RTN1: variants seen among roughly 807,000 people sequenced by gnomAD.
RTN1 encodes the protein reticulon-1.
Under a neutral mutation model 65.5 loss-of-function variants are expected in RTN1, and 25 were observed. That is an observed-to-expected ratio of 0.38 (90% confidence interval 0.28 to 0.53). The LOEUF (loss-of-function observed/expected upper bound fraction) is 0.53, where lower values mean the gene tolerates loss of function less well. RTN1 is among the 20% of genes least tolerant of loss of function. The probability of loss-of-function intolerance (pLI) is 0.79; values close to 1 mark genes in which losing one functional copy is unlikely to be tolerated. For synonymous variants in RTN1, 471 were observed against 447.6 expected, an observed-to-expected ratio of 1.05 and a Z score of -0.66; for missense variants, 983 against 1,025.4, an observed-to-expected ratio of 0.96 and a Z score of 0.57.
At chr14:59,644,424 T>C (rs550837164) in intron 3 of RTN1, among the ~76,000 whole-genome samples, 3 of 152,236 alleles carry the variant, frequency 2.0e-5, no homozygotes, top group South Asian at 2.1e-4. Flanking sequence ...GATCACCTCA[T>C]TGAACCCACT....
At chr14:59,644,587 T>C (rs1882850263) in intron 3 of RTN1, among the ~76,000 whole-genome samples, 1 of 152,102 alleles carries the variant, frequency 6.6e-6, no homozygotes, top group Non-Finnish European at 1.5e-5. Flanking sequence ...CCCCCATACA[T>C]ACCCCGAGGA....
chr14:59,625,239 A>G (rs1882362865), intron 3 of RTN1, among the ~76,000 whole-genome samples: 1 of 152,362 alleles, frequency 6.6e-6, no homozygotes, highest in Admixed American at 6.5e-5. Context: ...TTTTAATGAA[A>G]CAAGTATTCA....
intron 3 of RTN1, among the ~76,000 whole-genome samples, chr14:59,627,275 A>C (rs1882424165): frequency 6.6e-6 from 1 of 152,362 alleles, no homozygotes; most frequent in East Asian, 1.9e-4. Flanking sequence ...AAAGCCATCA[A>C]CCTCAGCGGC....
chr14:59,744,886 T>C (rs1333171326), intron 2 of RTN1, among the ~76,000 whole-genome samples: 1 of 152,142 alleles, frequency 6.6e-6, no homozygotes, highest in Non-Finnish European at 1.5e-5. Flanking sequence ...GTGCTATAGT[T>C]TGAATGTCCC....
intron 1 of RTN1, among the ~76,000 whole-genome samples, chr14:59,842,830 T>A (rs930451815): frequency 6.6e-6 from 1 of 152,064 alleles, no homozygotes; most frequent in Non-Finnish European, 1.5e-5. Context: ...GAAATTAGAG[T>A]CTGATCAGTT....
chr14:59,846,563 A>T lies in RTN1; in HGVS notation c.241+23827T>A, dbSNP rs1887414774. 6.6e-6 allele frequency among the ~76,000 whole-genome samples: 1 copy of T among 152,200 alleles called. No individual in the cohort carries two copies. The highest frequency in any genetic ancestry group is 1.5e-5 in the Non-Finnish European group (1 of 68,036). ...GTTACCAAGTAAGCATAATGGAAAA[A>T]GAAGAGTAAGTGTGTATCCCAAGGG... On this transcript the variant is annotated intron_variant, in intron 1 of 8. Coordinates refer to ENST00000267484, the MANE Select transcript of RTN1 (RefSeq NM_021136.3). This position sits in a 1 kb window ranked among gnomAD's most constrained non-coding sequence, Gnocchi z 4.8.
At chr14:59,793,893 GC>G (rs1886395862) in intron 1 of RTN1, among the ~76,000 whole-genome samples, 1 of 151,894 alleles carries the variant, frequency 6.6e-6, no homozygotes, top group Non-Finnish European at 1.5e-5. Flanking sequence ...TAAGCACATT[GC>G]CCCCATGCCA....
intron 1 of RTN1, among the ~76,000 whole-genome samples, chr14:59,817,730 G>C (rs1886848596): frequency 6.6e-6 from 1 of 151,914 alleles, no homozygotes; most frequent in African/African-American, 2.4e-5. Flanking sequence ...CTAGTGTCCT[G>C]CCATGCATAA....
At chr14:59,671,664 C>A (rs1002691416) in intron 3 of RTN1, among the ~76,000 whole-genome samples, 1 of 152,196 alleles carries the variant, frequency 6.6e-6, no homozygotes, top group Non-Finnish European at 1.5e-5. Context: ...CACCAGGACA[C>A]TTTACCACCT....
chr14:59,626,700 C>T (rs1018868298), intron 3 of RTN1, among the ~76,000 whole-genome samples: 12 of 152,132 alleles, frequency 7.9e-5, no homozygotes, highest in Admixed American at 5.9e-4. Flanking sequence ...TGCTGCCCCT[C>T]TCATTCTTAA....
chr14:59,671,973 A>G (rs1303068321), intron 3 of RTN1, among the ~76,000 whole-genome samples: 2 of 152,208 alleles, frequency 1.3e-5, no homozygotes, highest in Non-Finnish European at 2.9e-5. Flanking sequence ...TCTTTCCTGA[A>G]ATGGACACTA....
chr14:59,667,927 C>G (rs1374614896), intron 3 of RTN1, among the ~76,000 whole-genome samples: 1 of 152,168 alleles, frequency 6.6e-6, no homozygotes. Context: ...AGGAGAACTA[C>G]AAACCACTGC....
intron 1 of RTN1, among the ~76,000 whole-genome samples, chr14:59,834,629 GC>G (rs1376427185): frequency 6.6e-6 from 1 of 152,038 alleles, no homozygotes; most frequent in Non-Finnish European, 1.5e-5. Context: ...AAAGCAAGTG[GC>G]ATAGAAAAAT....
chr14:59,675,159 G>A, intron 3 of RTN1, among the ~76,000 whole-genome samples: 1 of 152,100 alleles, frequency 6.6e-6, no homozygotes, highest in Non-Finnish European at 1.5e-5. Context: ...AGGAGTGGTG[G>A]CTAACCAAGA....
chr14:59,610,475 T>G (rs1457903265), intron 3 of RTN1, among the ~76,000 whole-genome samples: 2 of 152,178 alleles, frequency 1.3e-5, no homozygotes, highest in Admixed American at 6.5e-5. Flanking sequence ...CAGAATAAAC[T>G]CCATTATATA....
intron 1 of RTN1, among the ~76,000 whole-genome samples, chr14:59,768,389 T>C (rs1885889556): frequency 6.6e-6 from 1 of 152,242 alleles, no homozygotes; most frequent in African/African-American, 2.4e-5. Context: ...AAGGATGTGG[T>C]AATGATCCAG....
intron 1 of RTN1, among the ~76,000 whole-genome samples, chr14:59,783,063 T>C (rs974592121): frequency 5.3e-5 from 8 of 152,310 alleles, no homozygotes; most frequent in South Asian, 2.1e-4. Context: ...TCAATCAATC[T>C]GATTTTACAG....
intron 1 of RTN1, among the ~76,000 whole-genome samples, chr14:59,783,686 A>G (rs1886197650): frequency 6.6e-6 from 1 of 152,188 alleles, no homozygotes; most frequent in South Asian, 2.1e-4. Context: ...TTTCCCTAGA[A>G]TAAGGGAGAA....
intron 1 of RTN1, among the ~76,000 whole-genome samples, chr14:59,857,790 A>G (rs1354527707): frequency 6.6e-6 from 1 of 152,202 alleles, no homozygotes; most frequent in African/African-American, 2.4e-5. Context: ...TAAGCCTGCA[A>G]AGATCCCAGA....
Sources: allele counts gnomAD v4.1 joint callset (sites outside exome capture counted in the v4.1 genomes callset), GRCh38; gene constraint gnomAD v4.1.1; non-coding constraint Gnocchi (gnomAD v3.1); transcripts MANE v1.5; gene names NCBI Gene and HGNC (gene_info 2026-07-23, HGNC 2026-07-21).